Variants in LITAF observed in about 807,000 individuals in gnomAD.
The protein encoded by LITAF is lipopolysaccharide-induced tumor necrosis factor-alpha factor.
In LITAF, 9 loss-of-function variants were observed where a neutral mutation model predicts 14.5. That is an observed-to-expected ratio of 0.62 (90% CI 0.37 to 1.08). The LOEUF is 1.08. Among genes scored for constraint, LITAF ranks in the 50% least tolerant of loss-of-function variants. LITAF has a pLI of 0.01. For missense variants in LITAF, 206 were observed against 213.4 expected, an observed-to-expected ratio of 0.97 and a Z score of 0.22; for synonymous variants, 98 against 88.2, an observed-to-expected ratio of 1.11 and a Z score of -0.62.
Position 11,634,048 on chromosome 16 carries a change from G to T in LITAF, c.-20-411C>A, listed in dbSNP as rs776631811. On this transcript the variant is annotated intron_variant, in intron 2 of 3. Coordinates refer to the LITAF transcript ENST00000574848. This position sits in a 1 kb window ranked among gnomAD's most constrained non-coding sequence, Gnocchi z 4.1. ...GCCACTTAGCAATACACAGACACAT[G>T]CAGAGGGACATACAGAACCTCAACA... 3.9e-4 allele frequency among the ~76,000 whole-genome samples: 59 copies of T among 152,298 alleles called. No homozygotes were observed. The highest frequency in any genetic ancestry group is 8.4e-4 in the Non-Finnish European group (57 of 68,030).
At chr16:11,599,935 C>T (rs2064917139), upstream of LITAF, among the ~76,000 whole-genome samples, 1 of 152,142 alleles carries the variant, frequency 6.6e-6, no homozygotes, top group Admixed American at 6.6e-5. Context: ...CCTTCCCGAC[C>T]CTCATGAAAC....
At chr16:11,635,241 A>C (rs976306795) in intron 2 of LITAF, among the ~76,000 whole-genome samples, 2 of 152,214 alleles carry the variant, frequency 1.3e-5, no homozygotes, top group Non-Finnish European at 2.9e-5. Context: ...CATTCAGAGC[A>C]TAAAGACAGA....
upstream of LITAF, among the ~76,000 whole-genome samples, chr16:11,637,938 CTA>C (rs1206219134): frequency 0.18 from 13,227 of 74,612 alleles, 4,051 homozygotes; most frequent in Non-Finnish European, 0.21. Flanking sequence ...ATATCTATAT[CTA>C]TATATCTATA....
At chr16:11,598,987 T>C (rs1284047233), upstream of LITAF, among the ~76,000 whole-genome samples, 1 of 150,824 alleles carries the variant, frequency 6.6e-6, no homozygotes, top group Non-Finnish European at 1.5e-5. Flanking sequence ...TTCTGGCTGA[T>C]TTTTGTATTT....
intron 3 of LITAF, among the ~76,000 whole-genome samples, chr16:11,607,340 C>A (rs1013332201): frequency 2.6e-5 from 4 of 152,192 alleles, no homozygotes; most frequent in East Asian, 1.9e-4. Flanking sequence ...ATTGCCTTGG[C>A]CCCTGTATAA....
rs1052859282 is a variant in LITAF, at chr16:11,619,869, G to A, written c.85+13664C>T. Among the ~76,000 whole-genome samples the A allele has an allele frequency of 9.9e-5, 15 of 152,098 alleles. No individual in the cohort carries two copies. The East Asian group carries it at 2.3e-3, about 24-fold the overall frequency. On this transcript the variant is annotated intron_variant, in intron 3 of 3. Coordinates refer to the LITAF transcript ENST00000574848. Reference sequence around the variant, plus strand: ...ATATTTGTCCCAGACCACATCTCACGTTGAAATGTAATCTGCGGACGGGTG... The same window carrying A: ...ATATTTGTCCCAGACCACATCTCACATTGAAATGTAATCTGCGGACGGGTG...
At chr16:11,593,919 G>C (rs1473989737) in intron 1 of LITAF, among the ~76,000 whole-genome samples, 2 of 152,178 alleles carry the variant, frequency 1.3e-5, no homozygotes, top group African/African-American at 4.8e-5. Flanking sequence ...GCTCATGCCT[G>C]TAATTCCAGT....
At chr16:11,598,862 C>T (rs2141861404), upstream of LITAF, among the ~76,000 whole-genome samples, 1 of 152,292 alleles carries the variant, frequency 6.6e-6, no homozygotes, top group South Asian at 2.1e-4. Context: ...CTCTGTCACC[C>T]AGGCTGGAGT....
upstream of LITAF, chr16:11,587,600 G>T (rs1296323992): frequency 1.1e-5 from 3 of 268,030 alleles, no homozygotes; most frequent in South Asian, 6.3e-5. Context: ...TCAGCTGCCT[G>T]TCCGCTTTGT....
At chr16:11,624,513 A>T (rs139867697) in intron 3 of LITAF, among the ~76,000 whole-genome samples, 269 of 152,310 alleles carry the variant, frequency 1.8e-3, no homozygotes, top group African/African-American at 5.8e-3. Context: ...TTCAAAAATA[A>T]CAAATGCCTA....
chr16:11,607,545 G>GA (rs35035989), intron 3 of LITAF, among the ~76,000 whole-genome samples: 2,613 of 141,918 alleles, frequency 0.018, 25 homozygotes, highest in Non-Finnish European at 0.023. Flanking sequence ...TATCATTCGG[G>GA]AAAAAAAAAA....
chr16:11,594,203 C>A (rs935941452), intron 1 of LITAF, among the ~76,000 whole-genome samples: 1 of 150,930 alleles, frequency 6.6e-6, no homozygotes, highest in Non-Finnish European at 1.5e-5. Context: ...AAAAAAAATT[C>A]TAGAACTAGA....
At chr16:11,618,541 T>C (rs2065030919) in intron 3 of LITAF, among the ~76,000 whole-genome samples, 1 of 152,188 alleles carries the variant, frequency 6.6e-6, no homozygotes. Flanking sequence ...GCGTGCTTGA[T>C]GGGCTCCCCG....
intron 1 of LITAF, among the ~76,000 whole-genome samples, chr16:11,568,920 TC>T (rs747417594): frequency 2.6e-5 from 4 of 152,066 alleles, no homozygotes; most frequent in Non-Finnish European, 5.9e-5. Flanking sequence ...CCTCAAGTGA[TC>T]CACCCGCTTC....
intron 3 of LITAF, among the ~76,000 whole-genome samples, chr16:11,611,210 G>T (rs577950404): frequency 6.6e-6 from 1 of 151,996 alleles, no homozygotes; most frequent in Non-Finnish European, 1.5e-5. Context: ...AGGCGTGGTG[G>T]CACAAGCCTG....
At position 11,556,682 on chromosome 16, in the gene LITAF, G is replaced by A. The variant is rs1158692556; in HGVS notation, c.49C>T (p.Pro17Ser). 1.2e-6 allele frequency: 2 copies of A among 1,614,192 alleles called. No individual in the cohort carries two copies. Residue 17 changes from proline (P) to serine (S), a missense_variant, in exon 2 of 4, where the codon CCA (proline) becomes TCA (serine). Coordinates refer to ENST00000622633, the MANE Select transcript of LITAF (RefSeq NM_001136472.2). ...YQAATGPSSA[P>S]SAPPSYEETV... ...TCTTCATAGGATGGAGGTGCGGATG[G>A]TGCTGAGGAAGGCCCAGTGGCCGCC...
intron 3 of LITAF, chr16:11,551,585 T>G: frequency 2.1e-6 from 1 of 478,290 alleles, no homozygotes; most frequent in Non-Finnish European, 3.7e-6. Flanking sequence ...CTTTGGGAGG[T>G]CAAGGCAGAA....
rs868418169 is a variant in LITAF, at chr16:11,586,217, T to A, written c.-6+669A>T. 6.6e-6 allele frequency: 1 copy of A among 152,376 alleles called. No homozygotes were observed. The highest frequency in any genetic ancestry group is 2.1e-4 in the South Asian group (1 of 4,830). The allele number at this position is 152,376 out of a possible 1,614,324, so 9.4% of individuals were successfully genotyped here. On this transcript the variant is annotated intron_variant, in intron 1 of 3. Coordinates refer to ENST00000622633, the MANE Select transcript of LITAF (RefSeq NM_001136472.2). The surrounding 1 kb of genome is among the most constrained non-coding windows in gnomAD (Gnocchi z 6.5). ...GTGCCATCAGCAGTAAGAGGACCCC[T>A]GCGCTCGCGGGGTGCCCGCCTTACC... is the stretch of plus-strand genomic sequence containing the variant.
At position 11,552,747 on chromosome 16, in the gene LITAF, C is replaced by A. The variant is rs137949294; in HGVS notation, c.377+786G>T. On this transcript the variant is annotated intron_variant, in intron 3 of 3. Coordinates refer to ENST00000622633, the MANE Select transcript of LITAF (RefSeq NM_001136472.2). ...TCAGAACACTGGGGAGCGTGGTGCT[C>A]CTAGCATTAAGCGGGTGGGGGCCAG... Among the ~76,000 whole-genome samples, 487 of 152,230 alleles carry A rather than the reference C, an allele frequency of 3.2e-3. 1 individual carries two copies. Among genetic ancestry groups the A allele is most frequent in the African/African-American group, 0.011 (452 of 41,552 alleles).
Sources: gnomAD v4.1 joint callset for allele counts (sites outside exome capture counted in the v4.1 genomes callset) on GRCh38, gnomAD v4.1.1 for gene constraint, Gnocchi (gnomAD v3.1) non-coding constraint, MANE v1.5 for transcripts, NCBI Gene and HGNC (gene_info 2026-07-23, HGNC 2026-07-21) for gene names.